ZNF90: variants seen among roughly 807,000 people sequenced by gnomAD.
ZNF90 encodes the protein zinc finger protein HTF9.
Under a neutral mutation model 12.0 loss-of-function variants are expected in ZNF90, and 11 were observed. That is an observed-to-expected ratio of 0.92 (90% CI 0.58 to 1.52). The LOEUF (loss-of-function observed/expected upper bound fraction) is 1.52. Among genes scored for constraint, ZNF90 ranks in the 40% most tolerant of loss-of-function variants. ZNF90 has a pLI of 0.00. For synonymous variants in ZNF90, 232 were observed against 240.1 expected (o/e 0.97, Z 0.31); for missense variants, 765 against 711.5 (o/e 1.08, Z -0.86).
At chr19:20,096,772 A>C (rs2088950555) in intron 1 of ZNF90, among the ~76,000 whole-genome samples, 2 of 152,188 alleles carry the variant, frequency 1.3e-5, no homozygotes, top group Admixed American at 6.5e-5. Context: ...TTGGGCTCAG[A>C]GGCCTGACAC....
At chr19:20,115,643 C>T (rs1475122656) in intron 3 of ZNF90, among the ~76,000 whole-genome samples, 3 of 151,824 alleles carry the variant, frequency 2.0e-5, no homozygotes, top group Admixed American at 6.6e-5. Context: ...TGAAATTTTA[C>T]TTATATATGT....
At position 20,119,092 on chromosome 19, in the gene ZNF90, A is replaced by T. The variant is rs1555706248; in HGVS notation, c.1538A>T (p.Glu513Val). 4.3e-6 allele frequency: 7 copies of T among 1,612,698 alleles called. No individual in the cohort carries two copies. The highest frequency in any genetic ancestry group is 5.9e-6 in the Non-Finnish European group (7 of 1,179,432). The change falls in exon 4 of 4, where the codon GAA becomes GTA. Residue 513 changes from glutamate (E) to valine (V), a missense_variant. By Grantham distance (121) the Glu-to-Val change is moderately radical. Coordinates refer to ENST00000418063, the MANE Select transcript of ZNF90 (RefSeq NM_007138.2). ...HSGENPYKCE[E>V]CGKAFKRSSV... ...GGAGAGAATCCCTACAAATGTGAAG[A>T]ATGTGGCAAAGCCTTCAAGCGCTCC...
At chr19:20,081,832 T>G (rs1473351913) in intron 1 of ZNF90, among the ~76,000 whole-genome samples, 1 of 151,472 alleles carries the variant, frequency 6.6e-6, no homozygotes, top group Non-Finnish European at 1.5e-5. Flanking sequence ...TGGCGAGATC[T>G]CGGCTCACTG....
At chr19:20,080,963 C>G (rs1008576541) in intron 1 of ZNF90, among the ~76,000 whole-genome samples, 7 of 152,282 alleles carry the variant, frequency 4.6e-5, no homozygotes, top group African/African-American at 1.7e-4. Context: ...GGAGGCTCTC[C>G]TGTACACAGG....
At chr19:20,089,884 A>G (rs369495688) in intron 1 of ZNF90, among the ~76,000 whole-genome samples, 8 of 152,194 alleles carry the variant, frequency 5.3e-5, no homozygotes, top group African/African-American at 1.4e-4. Context: ...AGGAGGGATT[A>G]GAAGCGGCTA....
chr19:20,079,889 C>T (rs879126747), intron 1 of ZNF90: 59 of 418,644 alleles, frequency 1.4e-4, no homozygotes, highest in South Asian at 1.1e-3. Context: ...ACTGCTCCTT[C>T]GGGAGACTGC....
In ZNF90 at chr19:20,117,992, A is replaced by G. The variant is rs10404469; in HGVS notation, c.438A>G (p.Gln146=). 1.2e-3 allele frequency: 1,910 copies of G among 1,613,276 alleles called. 17 individuals carry two copies. In the African/African-American group the frequency reaches 0.022, roughly 19 times the overall value. Residue 146 remains glutamine (Q), a synonymous_variant, in exon 4 of 4, where the codon CAA becomes CAG. Coordinates refer to ENST00000418063, the MANE Select transcript of ZNF90 (RefSeq NM_007138.2). ...CAGCTACCCAGAGCAAAGTATTTCA[A>G]TGTGATACATATGTGAAAGTCTCTC... is the stretch of plus-strand genomic sequence containing the variant. ...CLTATQSKVF[Q]CDTYVKVSHI...
chr19:20,102,743 C>A (rs569733647), intron 1 of ZNF90, among the ~76,000 whole-genome samples: 177 of 152,200 alleles, frequency 1.2e-3, no homozygotes, highest in South Asian at 2.7e-3. Flanking sequence ...GAGAATATGT[C>A]ATGTTGAGGC....
At chr19:20,085,268 C>CTTTTCTTTTTCTTTTTTTT (rs2088849590) in intron 1 of ZNF90, among the ~76,000 whole-genome samples, 5 of 135,572 alleles carry the variant, frequency 3.7e-5, no homozygotes, top group African/African-American at 1.5e-4. Context: ...TTGCATTGGT[C>CTTTTCTTTTTCTTTTTTTT]TTTTTTTTTT....
intron 3 of ZNF90, among the ~76,000 whole-genome samples, chr19:20,112,882 A>C (rs1481476633): frequency 6.6e-6 from 1 of 152,046 alleles, no homozygotes; most frequent in Non-Finnish European, 1.5e-5. Flanking sequence ...GGTATCCAAT[A>C]AGTTTTGTGT....
chr19:20,118,600 C>G lies in ZNF90; in HGVS notation c.1046C>G (p.Ala349Gly). The change falls in exon 4 of 4, where the codon GCC becomes GGC. Residue 349 changes from alanine (A) to glycine (G), a missense_variant. Transcript: ENST00000418063. ...TACAAATGTGAAGAATGTGGCAAAG[C>G]CTTCAGGCGCTCCTTAGTCCTTCGT... ...KPYKCEECGK[A>G]FRRSLVLRTH... 1 of 1,609,616 alleles carries G rather than the reference C, an allele frequency of 6.2e-7. No homozygotes were observed. Among genetic ancestry groups the G allele is most frequent in the Non-Finnish European group, 8.5e-7 (1 of 1,179,024 alleles).
Position 20,078,024 on chromosome 19 carries a change from GCTC to G in ZNF90, c.-107_-105del. 1 of 1,424,938 alleles carries G rather than the reference GCTC, an allele frequency of 7.0e-7. No individual in the cohort carries two copies. Among genetic ancestry groups the G allele is most frequent in the East Asian group, 2.3e-5 (1 of 43,918 alleles). 88.3% of individuals were successfully genotyped at this position (1,424,938 alleles called of 1,614,324 possible). ...CCATTTGTCTCTTGCTGCAGCTGGT[GCTC>G]CAAATCTGGTCTTAGCTGCTTCGTG... On this transcript the variant is annotated 5_prime_UTR_variant, in exon 1 of 4. Coordinates refer to ENST00000418063, the MANE Select transcript of ZNF90 (RefSeq NM_007138.2).
chr19:20,094,592 T>C (rs2088927947), intron 1 of ZNF90, among the ~76,000 whole-genome samples: 1 of 152,160 alleles, frequency 6.6e-6, no homozygotes, highest in Non-Finnish European at 1.5e-5. Flanking sequence ...ATGGTTCCAT[T>C]GGGGATCCTC....
At position 20,119,479 on chromosome 19, in the gene ZNF90, A is replaced by T; in HGVS notation, c.*119A>T. ...CTACTCTTACTAAATATGAGAATTT[A>T]TATGAAACATAACTCCTACAAAAAT... On this transcript the variant is annotated 3_prime_UTR_variant, in exon 4 of 4. Transcript: ENST00000418063. 1 of 836,886 alleles carries T rather than the reference A, an allele frequency of 1.2e-6. No individual in the cohort carries two copies. Among genetic ancestry groups the T allele is most frequent in the South Asian group, 1.9e-5 (1 of 51,762 alleles). 51.8% of individuals were successfully genotyped at this position (836,886 alleles called of 1,614,324 possible). A position where few individuals can be genotyped will look rare whatever the true frequency, so the allele number is the denominator to read the frequency against.
chr19:20,087,842 A>G (rs1475707757), intron 1 of ZNF90, among the ~76,000 whole-genome samples: 1 of 152,128 alleles, frequency 6.6e-6, no homozygotes, highest in African/African-American at 2.4e-5. Flanking sequence ...GTAAAGGAAA[A>G]TTAAAGTCAA....
Position 20,078,009 on chromosome 19 carries a change from C to G in ZNF90, c.-124C>G. 5.3e-6 allele frequency: 7 copies of G among 1,311,584 alleles called. No homozygotes were observed. Among genetic ancestry groups the G allele is most frequent in the Non-Finnish European group, 7.7e-6 (7 of 907,502 alleles). 81.2% of individuals were successfully genotyped at this position (1,311,584 alleles called of 1,614,324 possible). A position where few individuals can be genotyped will look rare whatever the true frequency, so the allele number is the denominator to read the frequency against. On this transcript the variant is annotated 5_prime_UTR_variant, in exon 1 of 4. Transcript: ENST00000418063. ...TCGGGTTTGGCGCGGCCATTTGTCT[C>G]TTGCTGCAGCTGGTGCTCCAAATCT...
chr19:20,087,332 T>TGG (rs1431825711), intron 1 of ZNF90: 1 of 152,490 alleles, frequency 6.6e-6, no homozygotes, highest in Non-Finnish European at 1.5e-5. Context: ...TCCAATGCTT[T>TGG]GGGTGTCTGT....
chr19:20,082,315 A>T (rs924455698), intron 1 of ZNF90, among the ~76,000 whole-genome samples: 3 of 152,172 alleles, frequency 2.0e-5, no homozygotes, highest in African/African-American at 7.2e-5. Context: ...AAATAATAAC[A>T]TGCATTTGGT....
Position 20,118,807 on chromosome 19 carries a change from G to A in ZNF90, c.1253G>A (p.Ser418Asn), listed in dbSNP as rs782233095. The change falls in exon 4 of 4, where the codon AGT becomes AAT. Residue 418 changes from serine to asparagine, a missense_variant. Transcript: ENST00000418063. ...TCAACACTTACTATACATAAGATAA[G>A]TCATACTGAAGAGAAACCCTACAAA... is the stretch of plus-strand genomic sequence containing the variant. The part of the protein sequence containing the change: ...RSSTLTIHKI[S>N]HTEEKPYKCQ... The A allele has an allele frequency of 4.4e-6, 7 of 1,602,060 alleles. No individual in the cohort carries two copies. Among genetic ancestry groups the A allele is most frequent in the Non-Finnish European group, 6.0e-6 (7 of 1,174,520 alleles).
Sources: allele counts gnomAD v4.1 joint callset (sites outside exome capture counted in the v4.1 genomes callset), GRCh38; gene constraint gnomAD v4.1.1; transcripts MANE v1.5; gene names NCBI Gene and HGNC (gene_info 2026-07-23, HGNC 2026-07-21).